The following HOOK1 variants were observed in gnomAD, a reference collection of about 807,000 sequenced individuals.
HOOK1 encodes the protein protein Hook homolog 1.
HOOK1 carries 60 observed loss-of-function variants against 112.8 expected under a neutral mutation model. The observed-to-expected ratio is 0.53, with a 90% CI of 0.43 to 0.66. The LOEUF (loss-of-function observed/expected upper bound fraction) is 0.66, where lower values mean the gene tolerates loss of function less well. Ranked by LOEUF, HOOK1 falls within the 30% of genes least tolerant of loss-of-function variation. The probability of loss-of-function intolerance (pLI) is 0.00; values close to 1 mark genes in which losing one functional copy is unlikely to be tolerated. For synonymous variants in HOOK1, 294 were observed against 283.8 expected (o/e 1.04, Z -0.36); for missense variants, 770 against 856.0 (o/e 0.90, Z 1.25).
In HOOK1 at chr1:59,860,177, T is replaced by G; in HGVS notation, c.1392-11T>G. On this transcript the variant is annotated splice_polypyrimidine_tract_variant and intron_variant, in intron 14 of 21. Transcript: ENST00000371208. ...TTAAAAATTAAAAAAGATTTTGCTT[T>G]GTAACATCAGGGAGGTGTTTATTCG... The G allele has an allele frequency of 6.4e-7, 1 of 1,555,276 alleles. No homozygotes were observed. Among genetic ancestry groups the G allele is most frequent in the Non-Finnish European group, 8.6e-7 (1 of 1,156,628 alleles).
intron 7 of HOOK1, among the ~76,000 whole-genome samples, chr1:59,839,760 CT>C (rs1238148048): frequency 1.3e-5 from 2 of 152,112 alleles, no homozygotes; most frequent in African/African-American, 2.4e-5. Context: ...GCATCCTTGT[CT>C]TGTGCCAGTT....
Position 59,860,164 on chromosome 1 carries a change from A to G in HOOK1, c.1392-24A>G. 2 of 1,540,582 alleles carry G rather than the reference A, an allele frequency of 1.3e-6. 1 individual carries two copies. The highest frequency in any genetic ancestry group is 2.5e-5 in the South Asian group (2 of 79,136). On this transcript the variant is annotated intron_variant, in intron 14 of 21. Transcript: ENST00000371208. ...ATGACTCATATTTTTAAAAATTAAAAAAGATTTTGCTTTGTAACATCAGGG... is the reference window on the plus strand; with the variant it reads ...ATGACTCATATTTTTAAAAATTAAAGAAGATTTTGCTTTGTAACATCAGGG...
intron 17 of HOOK1, 173 bp downstream of exon 17, chr1:59,864,839 G>A (rs11207527): frequency 0.033 from 18,834 of 569,442 alleles, 1,184 homozygotes; most frequent in African/African-American, 0.19. Context: ...TACTACCCCC[G>A]TTCCAAACTC....
Position 59,828,794 on chromosome 1 carries a change from T to G in HOOK1, c.164T>G (p.Phe55Cys). 3 of 1,613,382 alleles carry G rather than the reference T, an allele frequency of 1.9e-6. No individual in the cohort carries two copies. Among genetic ancestry groups the G allele is most frequent in the African/African-American group, 1.3e-5 (1 of 74,996 alleles). Residue 55 changes from phenylalanine (F) to cysteine (C), a missense_variant, in exon 3 of 22, where the codon TTT becomes TGT. Phe to Cys is a radical substitution (Grantham distance 205, BLOSUM62 -2). This residue lies in a region of HOOK1 where 655 missense variants were observed against 725.9 expected (regional missense o/e 0.90). Coordinates refer to ENST00000371208, the MANE Select transcript of HOOK1 (RefSeq NM_015888.6). ...TGTTGTTTCAGTGATGCAGCTTGGT[T>G]TAACGAATCTTGGTTAAGCCGAATT... ...QVLHQIDAAW[F>C]NESWLSRIKE...
In HOOK1 at chr1:59,858,467, G is replaced by A; in HGVS notation, c.1282G>A (p.Glu428Lys). ...EQRDTLKETN[E>K]ELRCSQVQQD... is the part of the protein sequence containing the mutation. The stretch of plus-strand genomic sequence containing the variant: ...GCGTGATACTTTGAAAGAAACAAAT[G>A]AAGAGCTTCGATGTTCACAAGTACA... Residue 428 changes from glutamate (E) to lysine (K), a missense_variant, in exon 13 of 22, where the codon GAA becomes AAA. By Grantham distance (56) the Glu-to-Lys change is moderately conservative (BLOSUM62 1). Around this residue, in one of 3 missense-constraint regions of HOOK1, gnomAD observed 655 missense variants for 725.9 expected, o/e 0.90. Coordinates refer to ENST00000371208, the MANE Select transcript of HOOK1 (RefSeq NM_015888.6). The A allele has an allele frequency of 6.2e-7, 1 of 1,613,436 alleles. No homozygotes were observed.
intron 6 of HOOK1, among the ~76,000 whole-genome samples, chr1:59,836,589 A>T (rs1056649098): frequency 6.6e-6 from 1 of 152,200 alleles, no homozygotes; most frequent in Non-Finnish European, 1.5e-5. Context: ...TATCAGTAAT[A>T]TGTCTTTTAG....
At chr1:59,830,748 C>A (rs951354378) in intron 3 of HOOK1, among the ~76,000 whole-genome samples, 1 of 151,916 alleles carries the variant, frequency 6.6e-6, no homozygotes, top group Non-Finnish European at 1.5e-5. Flanking sequence ...TGTCTCAATT[C>A]TTTTATCTTT....
At chr1:59,827,739 T>G (rs2102013305) in intron 2 of HOOK1, among the ~76,000 whole-genome samples, 1 of 152,108 alleles carries the variant, frequency 6.6e-6, no homozygotes. Context: ...TTTTTTTTTC[T>G]TTTGGTTATC....
intron 11 of HOOK1, 40 bp downstream of exon 11, chr1:59,848,556 A>G: frequency 2.1e-6 from 3 of 1,421,206 alleles, no homozygotes; most frequent in African/African-American, 1.4e-5. Context: ...AAATTGTAAG[A>G]GTTTAACTTT....
At chr1:59,860,777 CTTT>C (rs35112707) in intron 15 of HOOK1, among the ~76,000 whole-genome samples, 2 of 141,232 alleles carry the variant, frequency 1.4e-5, no homozygotes, top group South Asian at 2.2e-4. Context: ...TCTTCTCTTT[CTTT>C]TTTTTTTTTT....
intron 1 of HOOK1, 92 bp from the exon 2 acceptor site, chr1:59,821,766 T>C: frequency 1.1e-6 from 1 of 943,082 alleles, no homozygotes; most frequent in Non-Finnish European, 1.5e-6. Context: ...TTTTTTGTTT[T>C]TTTTAGCTGT....
intron 12 of HOOK1, among the ~76,000 whole-genome samples, chr1:59,856,530 G>C (rs1485322613): frequency 1.4e-5 from 2 of 141,228 alleles, no homozygotes; most frequent in Non-Finnish European, 3.1e-5. Context: ...TTGTATTTTT[G>C]TTGAAAATCT....
At position 59,874,147 on chromosome 1, in the gene HOOK1, C is replaced by T. The variant is rs1644098513; in HGVS notation, c.*1182C>T. The T allele has an allele frequency of 1.3e-5, 2 of 152,050 alleles. No homozygotes were observed. The highest frequency in any genetic ancestry group is 4.8e-5 in the African/African-American group (2 of 41,406). 9.4% of individuals were successfully genotyped at this position (152,050 alleles called of 1,614,324 possible). ...CAATTTAAATTTAATTAATTATAAACTCAGTCTCTTGGTTGCACCAGCCAC... is the reference window on the plus strand; with the variant it reads ...CAATTTAAATTTAATTAATTATAAATTCAGTCTCTTGGTTGCACCAGCCAC... On this transcript the variant is annotated 3_prime_UTR_variant, in exon 22 of 22. Transcript: ENST00000371208.
chr1:59,815,237 G>A (rs945235341), intron 1 of HOOK1, 57 bp downstream of exon 1: 2 of 1,500,002 alleles, frequency 1.3e-6, no homozygotes, highest in African/African-American at 2.8e-5. Context: ...GAGGAGCCTG[G>A]GGCGCCCGGT....
At chr1:59,870,130 A>C (rs967522527) in intron 20 of HOOK1, among the ~76,000 whole-genome samples, 2 of 152,190 alleles carry the variant, frequency 1.3e-5, no homozygotes, top group African/African-American at 4.8e-5. Context: ...GCTGACATCT[A>C]AGTTGCTCTG....
chr1:59,835,354 A>G lies in HOOK1; in HGVS notation c.416A>G (p.Gln139Arg). 1 of 1,576,938 alleles carries G rather than the reference A, an allele frequency of 6.3e-7. No homozygotes were observed. Among genetic ancestry groups the G allele is most frequent in the Non-Finnish European group, 8.7e-7 (1 of 1,147,826 alleles). ...TTTTTTTAAATCATAGAACATATTC[A>G]AAATATAATGACACTGGAAGAGTCT... ...INCEKKQEHIQNIMTLEESVQ... is the reference protein window; with the variant it reads ...INCEKKQEHIRNIMTLEESVQ... Residue 139 changes from glutamine (Q) to arginine (R), a missense_variant, in exon 6 of 22, where the codon CAA (glutamine) becomes CGA (arginine). Coordinates refer to ENST00000371208, the MANE Select transcript of HOOK1 (RefSeq NM_015888.6).
At position 59,865,929 on chromosome 1, in the gene HOOK1, CAATGGAGGAAAGATATAA is replaced by C. The variant is rs761364819; in HGVS notation, c.1807_1824del (p.Glu603_Met608del). 2 of 1,596,592 alleles carry C rather than the reference CAATGGAGGAAAGATATAA, an allele frequency of 1.3e-6. No homozygotes were observed. Among genetic ancestry groups the C allele is most frequent in the Non-Finnish European group, 1.7e-6 (2 of 1,171,186 alleles). ...CAGAAGAAAGATGAAGATATGAAAGCAATGGAGGAAAGATATAAAATGTACTTGGAGAAAGCCAGAAAT... is the reference window on the plus strand; with the variant it reads ...CAGAAGAAAGATGAAGATATGAAAGCAATGTACTTGGAGAAAGCCAGAAAT... On this transcript the variant is annotated inframe_deletion, in exon 19 of 22. Transcript: ENST00000371208.
At chr1:59,846,620 C>T (rs2098404201) in intron 9 of HOOK1, among the ~76,000 whole-genome samples, 1 of 136,296 alleles carries the variant, frequency 7.3e-6, no homozygotes, top group South Asian at 2.5e-4. Context: ...CTCTCTCTCT[C>T]TCATTCTTTC....
At chr1:59,872,298 C>T (rs554266696) in intron 21 of HOOK1, among the ~76,000 whole-genome samples, 12 of 152,304 alleles carry the variant, frequency 7.9e-5, no homozygotes, top group Admixed American at 7.2e-4. Context: ...TAAACATTAA[C>T]TTGCCTCAGA....
Sources: gnomAD v4.1 joint callset for allele counts (sites outside exome capture counted in the v4.1 genomes callset) on GRCh38, gnomAD v4.1.1 for gene constraint, gnomAD v4.1.1 regional missense constraint, MANE v1.5 for transcripts, NCBI Gene and HGNC (gene_info 2026-07-23, HGNC 2026-07-21) for gene names.